Variants in HMCN1 observed in about 807,000 individuals in gnomAD.
HMCN1 encodes the protein hemicentin-1.
A neutral mutation model predicts 625.9 loss-of-function variants in HMCN1; 321 were observed. That is an observed-to-expected ratio of 0.51 (90% CI 0.47 to 0.56). The LOEUF is 0.56. Ranked by LOEUF, HMCN1 falls within the 20% of genes least tolerant of loss-of-function variation. The pLI, the probability that HMCN1 is intolerant of heterozygous loss-of-function variation, is 0.00. For synonymous variants in HMCN1, 2,425 were observed against 2,417.6 expected (o/e 1.00, Z -0.09); for missense variants, 6,588 against 6,887.3 (o/e 0.96, Z 1.54).
At chr1:185,776,603 A>T (rs925717312) in intron 1 of HMCN1, among the ~76,000 whole-genome samples, 10 of 152,124 alleles carry the variant, frequency 6.6e-5, no homozygotes, top group African/African-American at 2.4e-4. Context: ...AGCTTACTTC[A>T]TTAGGTTTCT....
rs150425253 is a variant in HMCN1 at position 186,080,324 on chromosome 1, A to T, written c.8600-883A>T. Among the ~76,000 whole-genome samples, 566 of 152,324 alleles carry T rather than the reference A, an allele frequency of 3.7e-3. 4 individuals are homozygous for T. Among genetic ancestry groups the T allele is most frequent in the African/African-American group, 0.013 (539 of 41,582 alleles). On this transcript the variant is annotated intron_variant, in intron 55 of 106. Coordinates refer to ENST00000271588, the MANE Select transcript of HMCN1 (RefSeq NM_031935.3). ...TTGCAGTCTTCACTGATTGCTAAAGATAAGGTATATTTTTAAAGTGGGGGG... is the reference window on the plus strand; with the variant it reads ...TTGCAGTCTTCACTGATTGCTAAAGTTAAGGTATATTTTTAAAGTGGGGGG...
chr1:186,129,877 T>C, intron 83 of HMCN1, 89 bp from the exon 84 acceptor site: 2 of 1,510,054 alleles, frequency 1.3e-6, no homozygotes, highest in Non-Finnish European at 1.8e-6. Flanking sequence ...GCTGACCAAC[T>C]CATAAATCTA....
chr1:185,934,993 T>C (rs1667740277), intron 11 of HMCN1, among the ~76,000 whole-genome samples: 2 of 152,098 alleles, frequency 1.3e-5, no homozygotes, highest in South Asian at 4.1e-4. Context: ...TAGGGAAATG[T>C]TGCTTTTGTA....
chr1:186,168,441 C>G (rs1195977727), intron 100 of HMCN1, among the ~76,000 whole-genome samples: 5 of 140,594 alleles, frequency 3.6e-5, no homozygotes, highest in African/African-American at 1.1e-4. Flanking sequence ...GACAGAGACT[C>G]TGTTTCAAAA....
At position 186,015,192 on chromosome 1, in the gene HMCN1, C is replaced by G; in HGVS notation, c.4664C>G (p.Thr1555Arg). 1 of 1,613,502 alleles carries G rather than the reference C, an allele frequency of 6.2e-7. No homozygotes were observed. Among genetic ancestry groups the G allele is most frequent in the Non-Finnish European group, 8.5e-7 (1 of 1,179,526 alleles). The stretch of plus-strand genomic sequence containing the variant: ...AGTATTAAAGGAGGAAATGTCACCA[C>G]AGACATATCAGTATTGATCAACAGC... ...PPSIKGGNVT[T>R]DISVLINSLI... Residue 1555 changes from threonine to arginine, a missense_variant, in exon 31 of 107, where the codon ACA (threonine) becomes AGA (arginine). Around this residue, in one of 3 missense-constraint regions of HMCN1, gnomAD observed 4,628 missense variants for 4,853.1 expected, o/e 0.95. Transcript: ENST00000271588.
At chr1:186,076,659 T>G (rs1490976404) in intron 54 of HMCN1, 37 bp downstream of exon 54, 2 of 1,584,552 alleles carry the variant, frequency 1.3e-6, no homozygotes, top group Non-Finnish European at 1.7e-6. Context: ...AAGCTGACTC[T>G]CTGCCAAATG....
At chr1:185,974,094 A>C (rs1271163770) in intron 15 of HMCN1, among the ~76,000 whole-genome samples, 1 of 152,346 alleles carries the variant, frequency 6.6e-6, no homozygotes, top group African/African-American at 2.4e-5. Context: ...AGCCATATCT[A>C]TATGTAAGTT....
intron 30 of HMCN1, among the ~76,000 whole-genome samples, chr1:186,009,048 A>C (rs1449375150): frequency 2.6e-5 from 4 of 152,224 alleles, no homozygotes; most frequent in African/African-American, 9.6e-5. Context: ...TTGCTGAAAG[A>C]TTAACTATAC....
chr1:186,005,895 G>C lies in HMCN1; in HGVS notation c.4476-1233G>C, dbSNP rs532064239. 4.6e-5 allele frequency among the ~76,000 whole-genome samples: 7 copies of C among 152,236 alleles called. No individual in the cohort carries two copies. In the East Asian group the frequency reaches 1.4e-3, roughly 29 times the overall value. ...TCACGCCTGTAATCCCAGCACTTTG[G>C]GAGGCCAAGGCAAGCGGATCACCTG... On this transcript the variant is annotated intron_variant, in intron 29 of 106. Coordinates refer to ENST00000271588, the MANE Select transcript of HMCN1 (RefSeq NM_031935.3).
intron 1 of HMCN1, among the ~76,000 whole-genome samples, chr1:185,739,247 A>G (rs1456305937): frequency 2.0e-5 from 3 of 152,122 alleles, no homozygotes; most frequent in Non-Finnish European, 2.9e-5. Context: ...CTGTACCACA[A>G]TTTCTTTGTC....
chr1:185,904,218 A>G (rs1665969331), intron 4 of HMCN1, among the ~76,000 whole-genome samples: 2 of 151,782 alleles, frequency 1.3e-5, no homozygotes, highest in African/African-American at 2.4e-5. Flanking sequence ...GCTCTATGCT[A>G]TACTGCAGGA....
At position 185,965,888 on chromosome 1, in the gene HMCN1, C is replaced by G; in HGVS notation, c.2185C>G (p.Pro729Ala). 3 of 1,599,324 alleles carry G rather than the reference C, an allele frequency of 1.9e-6. No individual in the cohort carries two copies. The highest frequency in any genetic ancestry group is 2.6e-6 in the Non-Finnish European group (3 of 1,166,798). ...TVMECKTSGI[P>A]PPQVKWFKGD... ...TATGGAATGCAAAACCTCTGGTATT[C>G]CTCCACCTCAAGTTAAATGGTTCAA... Residue 729 changes from proline (P) to alanine (A), a missense_variant, in exon 14 of 107, where the codon CCT becomes GCT. Transcript: ENST00000271588.
At chr1:186,053,175 G>A (rs1657082431) in intron 43 of HMCN1, 101 bp downstream of exon 43, 1 of 1,125,710 alleles carries the variant, frequency 8.9e-7, no homozygotes, top group Non-Finnish European at 1.3e-6. Flanking sequence ...TTTTCCTGGG[G>A]TTTGCATACT....
intron 71 of HMCN1, among the ~76,000 whole-genome samples, chr1:186,110,676 G>A (rs1660830996): frequency 6.6e-6 from 1 of 152,184 alleles, no homozygotes; most frequent in Non-Finnish European, 1.5e-5. Context: ...AGACAGAGGA[G>A]AGAGAAAGAG....
chr1:185,951,581 A>T (rs945672899), intron 11 of HMCN1, among the ~76,000 whole-genome samples: 9 of 151,414 alleles, frequency 5.9e-5, no homozygotes, highest in Non-Finnish European at 8.9e-5. Context: ...AGCCGAGAAG[A>T]TCTGGGAAGG....
At chr1:186,107,131 G>A (rs1162142102) in intron 70 of HMCN1, among the ~76,000 whole-genome samples, 166 bp downstream of exon 70, 6 of 152,264 alleles carry the variant, frequency 3.9e-5, no homozygotes, top group African/African-American at 1.4e-4. Flanking sequence ...TGTCGCCCAG[G>A]CTGGAGTGCA....
chr1:186,109,858 A>G (rs1660792720), intron 71 of HMCN1, among the ~76,000 whole-genome samples: 1 of 152,244 alleles, frequency 6.6e-6, no homozygotes, highest in South Asian at 2.1e-4. Flanking sequence ...CACTCAACTT[A>G]GCTCACAAGC....
chr1:186,075,995 A>C (rs1409934517), intron 53 of HMCN1, among the ~76,000 whole-genome samples: 1 of 152,164 alleles, frequency 6.6e-6, no homozygotes, highest in Non-Finnish European at 1.5e-5. Flanking sequence ...TGTTAATGGA[A>C]TTTTTAATCC....
At position 185,909,317 on chromosome 1, in the gene HMCN1, CT is replaced by C. The variant is rs755868027; in HGVS notation, c.622-18del. 8.1e-6 allele frequency: 13 copies of C among 1,595,980 alleles called. No individual in the cohort carries two copies. The highest frequency in any genetic ancestry group is 8.6e-7 in the Non-Finnish European group (1 of 1,164,000). ...CGAATGTTTTCTGATATCACTTACACTTCTCTTTCTCTCTTATAGGTATTAA... is the reference window on the plus strand; with the variant it reads ...CGAATGTTTTCTGATATCACTTACACTCTCTTTCTCTCTTATAGGTATTAA... On this transcript the variant is annotated intron_variant, in intron 4 of 106. Transcript: ENST00000271588.
Sources: allele counts gnomAD v4.1 joint callset (sites outside exome capture counted in the v4.1 genomes callset), GRCh38; gene constraint gnomAD v4.1.1; regional missense constraint gnomAD v4.1.1; transcripts MANE v1.5; gene names NCBI Gene and HGNC (gene_info 2026-07-23, HGNC 2026-07-21).